TRIM14: variants seen among roughly 807,000 people sequenced by gnomAD.
TRIM14 encodes tripartite motif-containing protein 14.
In TRIM14, 28 loss-of-function variants were observed where a neutral mutation model predicts 44.5. The observed-to-expected ratio is 0.63, with a 90% CI of 0.47 to 0.86. The LOEUF (loss-of-function observed/expected upper bound fraction) is 0.86. TRIM14 is among the 40% of genes least tolerant of loss of function. The pLI is 0.00. For missense variants in TRIM14, 607 were observed against 611.1 expected (o/e 0.99, Z 0.07); for synonymous variants, 299 against 269.2 (o/e 1.11, Z -1.08).
At chr9:98,073,271 C>CTTTTTTTTTTTTT (rs10606237) in intron 6 of TRIM14, among the ~76,000 whole-genome samples, 3 of 57,826 alleles carry the variant, frequency 5.2e-5, no homozygotes, top group Non-Finnish European at 8.9e-5. Flanking sequence ...TCACCATGGG[C>CTTTTTTTTTTTTT]TTTTTTTTTT....
At chr9:98,064,011 T>C in the TRIM14 span, among the ~76,000 whole-genome samples, 17 of 152,322 alleles carry the variant, frequency 1.1e-4, no homozygotes, top group African/African-American at 4.1e-4. Context: ...GAAGCAGACT[T>C]CTGACTCTGT....
At chr9:98,045,609 T>C in the TRIM14 span, among the ~76,000 whole-genome samples, 4 of 152,198 alleles carry the variant, frequency 2.6e-5, no homozygotes, top group Non-Finnish European at 5.9e-5. Flanking sequence ...TGTGCTAGAG[T>C]TTCTGAGCCT....
In TRIM14 at chr9:98,086,816, AT is replaced by A. The variant is rs144118904; in HGVS notation, c.*653del. On this transcript the variant is annotated 3_prime_UTR_variant, in exon 6 of 6. Coordinates refer to ENST00000341469, the MANE Select transcript of TRIM14 (RefSeq NM_014788.4). Reference sequence around the variant, plus strand: ...TTGAATGCTAAGGTGAGGCGCTTGTATTTTTTTTTGTTATTTCATGGAAACT... The same window carrying A: ...TTGAATGCTAAGGTGAGGCGCTTGTATTTTTTTTGTTATTTCATGGAAACT... 5.3e-3 allele frequency: 806 copies of A among 153,084 alleles called. 5 individuals are homozygous for A. Among genetic ancestry groups the A allele is most frequent in the African/African-American group, 0.018 (752 of 41,276 alleles). 9.5% of individuals were successfully genotyped at this position (153,084 alleles called of 1,614,324 possible).
At chr9:98,099,812 TGACAA>T in intron 3 of TRIM14, 114 bp downstream of exon 3, 1 of 843,752 alleles carries the variant, frequency 1.2e-6, no homozygotes, top group Admixed American at 2.3e-5. Flanking sequence ...GTCTACATGG[TGACAA>T]GACAATAGTC....
At chr9:98,058,261 A>G in the TRIM14 span, among the ~76,000 whole-genome samples, 2 of 152,198 alleles carry the variant, frequency 1.3e-5, no homozygotes, top group Admixed American at 1.3e-4. Flanking sequence ...CTAATCACTG[A>G]ATCATAAAAA....
intron 6 of TRIM14, chr9:98,074,511 T>A (rs535813740): frequency 3.9e-5 from 6 of 152,332 alleles, no homozygotes; most frequent in Non-Finnish European, 8.8e-5. Flanking sequence ...TCTTCCAGAT[T>A]ACTCAGATTC....
At position 98,087,758 on chromosome 9, in the gene TRIM14, G is replaced by A. The variant is rs1587941921; in HGVS notation, c.1041C>T (p.Arg347=). ...CCAGGCGGGCGGCGGCCGAGGCCCCGCGGCGCCGAAGGGAGGCGTAGGCCG... is the reference window on the plus strand; with the variant it reads ...CCAGGCGGGCGGCGGCCGAGGCCCCACGGCGCCGAAGGGAGGCGTAGGCCG... The part of the protein sequence containing the change: ...VGAAYASLRR[R]GASAAARLGC... The change falls in exon 6 of 6, where the codon CGC becomes CGT. Residue 347 remains arginine (R), a synonymous_variant. Coordinates refer to ENST00000341469, the MANE Select transcript of TRIM14 (RefSeq NM_014788.4). 4 of 1,538,986 alleles carry A rather than the reference G, an allele frequency of 2.6e-6. No individual in the cohort carries two copies. The South Asian group carries it at 3.6e-5, about 14-fold the overall frequency.
intron 6 of TRIM14, chr9:98,078,137 G>A (rs754808486): frequency 1.9e-6 from 3 of 1,609,920 alleles, no homozygotes; most frequent in East Asian, 4.5e-5. Flanking sequence ...ATGTGTTGGG[G>A]AGAGTCAGAA....
chr9:98,048,064 C>CAACAAAA, the TRIM14 span, among the ~76,000 whole-genome samples: 1 of 107,536 alleles, frequency 9.3e-6, no homozygotes. Flanking sequence ...GACTCCTTCT[C>CAACAAAA]AAAAAAAAAA....
chr9:98,118,870 CCA>C, intron 1 of TRIM14, 110 bp downstream of exon 1: 1 of 1,267,862 alleles, frequency 7.9e-7, no homozygotes, highest in Non-Finnish European at 1.0e-6. Context: ...CCTTTGGTTT[CCA>C]GGTTGTAACC....
rs753687180 is a variant in TRIM14, at chr9:98,091,931, T to A, written c.771A>T (p.Pro257=). The change falls in exon 5 of 6, where the codon CCA becomes CCT. Residue 257 remains proline (P), a synonymous_variant. Transcript: ENST00000341469. ...TACATTTCAGCAATAGCGATCGCTC[T>A]GGTGAGGGGCTGGTTTTCAACAAGG... ...PGTLLKTSPS[P]ERSLLLKYAR... is the part of the protein sequence containing the mutation. The A allele has an allele frequency of 6.2e-7, 1 of 1,606,844 alleles. No individual in the cohort carries two copies. The highest frequency in any genetic ancestry group is 1.1e-5 in the South Asian group (1 of 90,004).
chr9:98,097,663 G>T (rs563388749), intron 3 of TRIM14, among the ~76,000 whole-genome samples: 12 of 152,252 alleles, frequency 7.9e-5, no homozygotes, highest in African/African-American at 2.9e-4. Flanking sequence ...ACCTGGCTCA[G>T]TACATATTGA....
chr9:98,045,045 G>A, the TRIM14 span, among the ~76,000 whole-genome samples: 6 of 152,064 alleles, frequency 3.9e-5, no homozygotes, highest in Admixed American at 2.6e-4. Flanking sequence ...CCCAGAAGGC[G>A]GAGGTTGCAG....
downstream of TRIM14, among the ~76,000 whole-genome samples, chr9:98,068,974 T>TAA (rs1829232060): frequency 6.6e-6 from 1 of 152,186 alleles, no homozygotes. Context: ...TTTAAACAGC[T>TAA]TTATTGGGAC....
downstream of TRIM14, chr9:98,069,260 A>G (rs1407377568): frequency 1.3e-5 from 2 of 149,504 alleles, no homozygotes; most frequent in Non-Finnish European, 2.9e-5. Flanking sequence ...CTCAGCAATC[A>G]AAAGGAATGA....
In TRIM14 at chr9:98,087,579, A is replaced by C; in HGVS notation, c.1220T>G (p.Val407Gly). 6.3e-7 allele frequency: 1 copy of C among 1,598,602 alleles called. No homozygotes were observed. The highest frequency in any genetic ancestry group is 8.5e-7 in the Non-Finnish European group (1 of 1,175,338). ...ATGCAGGTGGCTCATGCCGCCCGTC[A>C]CGTCGTAGAAGGCGAGGACGCCGGC... ...YEAGVLAFYD[V>G]TGGMSHLHTF... The change falls in exon 6 of 6, where the codon GTG (valine) becomes GGG (glycine). Residue 407 changes from valine to glycine, a missense_variant. Val to Gly is a moderately radical substitution (Grantham distance 109). Transcript: ENST00000341469.
chr9:98,066,799 C>T (rs891767555), downstream of TRIM14, among the ~76,000 whole-genome samples: 13 of 152,190 alleles, frequency 8.5e-5, no homozygotes, highest in African/African-American at 2.4e-4. Context: ...TGCAGTCATG[C>T]ACCACCCTGC....
At chr9:98,068,719 A>G (rs376409842), downstream of TRIM14, among the ~76,000 whole-genome samples, 291 of 151,802 alleles carry the variant, frequency 1.9e-3, no homozygotes, top group African/African-American at 6.8e-3. Flanking sequence ...AGGCTGAGGC[A>G]GGAAGGCGGG....
chr9:98,077,134 A>AT lies in TRIM14; in HGVS notation c.*29-7448dup, dbSNP rs202066065. The AT allele has an allele frequency of 2.1e-3, 1,574 of 746,896 alleles. 20 individuals are homozygous for AT. The African/African-American group carries it at 0.025, about 12-fold the overall frequency. 46.3% of individuals were successfully genotyped at this position (746,896 alleles called of 1,614,324 possible). On this transcript the variant is annotated intron_variant, in intron 6 of 6. Coordinates refer to the TRIM14 transcript ENST00000375098. ...TGAAGACAAATTTTAGCCTCTTTTC[A>AT]TTTTTTTAAATAGAGATAGGGTCTC...
Sources: gnomAD v4.1 joint callset for allele counts (sites outside exome capture counted in the v4.1 genomes callset) on GRCh38, gnomAD v4.1.1 for gene constraint, MANE v1.5 for transcripts, NCBI Gene and HGNC (gene_info 2026-07-23, HGNC 2026-07-21) for gene names.